Variants in KSR1 observed in about 807,000 individuals in gnomAD.
KSR1 encodes kinase suppressor of ras.
In KSR1, 35 loss-of-function variants were observed where a neutral mutation model predicts 92.9. The ratio of observed to expected loss-of-function variants is 0.38; its 90% confidence interval spans 0.29 to 0.50. The LOEUF is 0.50. Among genes scored for constraint, KSR1 ranks in the 20% least tolerant of loss-of-function variants. The pLI, the probability that KSR1 is intolerant of heterozygous loss-of-function variation, is 0.94. For synonymous variants in KSR1, 467 were observed against 472.6 expected (o/e 0.99, Z 0.15); for missense variants, 972 against 1,158.5 (o/e 0.84, Z 2.34).
intron 1 of KSR1, among the ~76,000 whole-genome samples, chr17:27,501,284 C>CTTT (rs2069171184): frequency 1.7e-4 from 8 of 48,270 alleles, no homozygotes; most frequent in African/African-American, 2.3e-4. Flanking sequence ...TTTTTAATTT[C>CTTT]TTTTCTTCTT....
intron 2 of KSR1, among the ~76,000 whole-genome samples, chr17:27,569,996 A>G (rs1315267311): frequency 6.6e-6 from 1 of 152,200 alleles, no homozygotes; most frequent in Non-Finnish European, 1.5e-5. Context: ...GCTGGAAGCT[A>G]GATATCTGGT....
intron 1 of KSR1, among the ~76,000 whole-genome samples, chr17:27,488,912 C>T (rs905156712): frequency 1.3e-5 from 2 of 152,152 alleles, no homozygotes; most frequent in African/African-American, 2.4e-5. Flanking sequence ...TGCAGTAAGC[C>T]GAGAATGTGC....
At chr17:27,535,375 A>G (rs1052040895) in intron 1 of KSR1, among the ~76,000 whole-genome samples, 3 of 152,184 alleles carry the variant, frequency 2.0e-5, no homozygotes, top group African/African-American at 7.2e-5. Context: ...CGCCACAGAA[A>G]GAATGCACAG....
chr17:27,584,130 C>T (rs1690746083), intron 4 of KSR1: 3 of 293,008 alleles, frequency 1.0e-5, no homozygotes, highest in South Asian at 2.6e-4. Context: ...CCTTGGGTGC[C>T]TCTTACCTTC....
chr17:27,496,397 A>G (rs768661620), intron 1 of KSR1, among the ~76,000 whole-genome samples: 11 of 152,222 alleles, frequency 7.2e-5, no homozygotes, highest in Non-Finnish European at 1.5e-4. Context: ...TGAGTTGAAT[A>G]GAAAAACCTA....
chr17:27,506,263 T>A (rs914584955), intron 1 of KSR1, among the ~76,000 whole-genome samples: 1 of 152,208 alleles, frequency 6.6e-6, no homozygotes, highest in Non-Finnish European at 1.5e-5. Context: ...GGCTGGACCA[T>A]CTTGCTTAAG....
At chr17:27,520,424 A>G (rs887618317) in intron 1 of KSR1, among the ~76,000 whole-genome samples, 3 of 152,194 alleles carry the variant, frequency 2.0e-5, no homozygotes, top group Non-Finnish European at 4.4e-5. Context: ...CCCTCCCTGG[A>G]CTTTAACTCT....
chr17:27,602,702 A>G (rs2073610168), intron 11 of KSR1, among the ~76,000 whole-genome samples: 1 of 152,170 alleles, frequency 6.6e-6, no homozygotes, highest in South Asian at 2.1e-4. Flanking sequence ...ATGGGTGGAA[A>G]TGCCAGGCCC....
At chr17:27,527,170 C>T in intron 1 of KSR1, 1 of 261,786 alleles carries the variant, frequency 3.8e-6, no homozygotes, top group Non-Finnish European at 7.9e-6. Context: ...GCAGGGTACT[C>T]TTTTCTAGTT....
At chr17:27,576,933 G>T (rs2072528560) in intron 2 of KSR1, among the ~76,000 whole-genome samples, 1 of 152,170 alleles carries the variant, frequency 6.6e-6, no homozygotes, top group Non-Finnish European at 1.5e-5. Context: ...CCTCGTGCAG[G>T]TGACATAATC....
chr17:27,509,359 T>A (rs531567431), intron 1 of KSR1, among the ~76,000 whole-genome samples: 20 of 151,790 alleles, frequency 1.3e-4, no homozygotes, highest in Non-Finnish European at 2.5e-4. Flanking sequence ...GGTGCGATCT[T>A]GGCTCACTGC....
chr17:27,541,332 A>T (rs1252061140), intron 1 of KSR1, among the ~76,000 whole-genome samples: 1 of 152,224 alleles, frequency 6.6e-6, no homozygotes, highest in Non-Finnish European at 1.5e-5. Flanking sequence ...GCATACTAGG[A>T]TCTTCTTAAA....
intron 1 of KSR1, among the ~76,000 whole-genome samples, chr17:27,501,695 C>T (rs1374248273): frequency 6.6e-6 from 1 of 152,220 alleles, no homozygotes; most frequent in Non-Finnish European, 1.5e-5. Flanking sequence ...GATGGGGTTT[C>T]ACCATGTTGG....
At chr17:27,494,009 G>A (rs951126655) in intron 1 of KSR1, among the ~76,000 whole-genome samples, 14 of 152,092 alleles carry the variant, frequency 9.2e-5, no homozygotes, top group Admixed American at 7.9e-4. Context: ...ACTTGGGGAC[G>A]CTGAGGTGGT....
chr17:27,458,709 T>C (rs2019297767), intron 1 of KSR1, among the ~76,000 whole-genome samples: 1 of 152,200 alleles, frequency 6.6e-6, no homozygotes, highest in African/African-American at 2.4e-5. Flanking sequence ...CTCCCTGTTC[T>C]TCCCACCGTG....
chr17:27,489,978 C>A (rs1445900001), intron 1 of KSR1, among the ~76,000 whole-genome samples: 1 of 152,204 alleles, frequency 6.6e-6, no homozygotes, highest in Non-Finnish European at 1.5e-5. Flanking sequence ...GGCCAACAGG[C>A]CAAGATCTGG....
At chr17:27,569,250 TG>T (rs1480690708) in intron 2 of KSR1, among the ~76,000 whole-genome samples, 12 of 152,190 alleles carry the variant, frequency 7.9e-5, no homozygotes, top group South Asian at 2.1e-4. Context: ...TGGGAGTAAT[TG>T]GGGGACACAC....
intron 1 of KSR1, among the ~76,000 whole-genome samples, chr17:27,503,589 G>A (rs1014816887): frequency 1.3e-5 from 2 of 152,172 alleles, no homozygotes; most frequent in African/African-American, 2.4e-5. Context: ...GCTTGTGGTC[G>A]TTGGTGCAGT....
intron 2 of KSR1, among the ~76,000 whole-genome samples, chr17:27,569,553 A>T (rs555218090): frequency 6.6e-6 from 1 of 152,230 alleles, no homozygotes; most frequent in Non-Finnish European, 1.5e-5. Context: ...GCCCAGCACT[A>T]TTTTTTGTAG....
Sources: allele counts gnomAD v4.1 joint callset (sites outside exome capture counted in the v4.1 genomes callset), GRCh38; gene constraint gnomAD v4.1.1; transcripts MANE v1.5; gene names NCBI Gene and HGNC (gene_info 2026-07-23, HGNC 2026-07-21).